ZNF532: variants seen among roughly 807,000 people sequenced by gnomAD.
The protein encoded by ZNF532 is zinc finger protein 532.
Under a neutral mutation model 89.3 loss-of-function variants are expected in ZNF532, and 22 were observed. The observed-to-expected ratio is 0.25, with a 90% CI of 0.18 to 0.35. The LOEUF (loss-of-function observed/expected upper bound fraction) is 0.35. Among genes scored for constraint, ZNF532 ranks in the 10% least tolerant of loss-of-function variants. The pLI is 1.00. For missense variants in ZNF532, 1,132 were observed against 1,643.4 expected (o/e 0.69, Z 5.38); for synonymous variants, 606 against 649.6 (o/e 0.93, Z 1.02).
In ZNF532 at chr18:58,953,673, A is replaced by G. The variant is rs1192938846; in HGVS notation, c.3024A>G (p.Pro1008=). 1 of 1,614,026 alleles carries G rather than the reference A, an allele frequency of 6.2e-7. No homozygotes were observed. The highest frequency in any genetic ancestry group is 8.5e-7 in the Non-Finnish European group (1 of 1,179,880). ...NGKEKLEKKS[P]SPVKKSMETK... is the part of the protein sequence containing the mutation. ...AAGAGAAATTGGAAAAGAAATCTCC[A>G]TCTCCTGTGAAAAAATCAATGGAAA... Residue 1008 remains proline (P), a synonymous_variant, in exon 7 of 10, where the codon CCA becomes CCG. Coordinates refer to ENST00000591808, the MANE Select transcript of ZNF532 (RefSeq NM_001375912.1).
chr18:58,944,433 C>T (rs993784755), intron 5 of ZNF532, among the ~76,000 whole-genome samples: 1 of 152,020 alleles, frequency 6.6e-6, no homozygotes, highest in Non-Finnish European at 1.5e-5. Context: ...TCCGATCTTG[C>T]ATTTAGGATT....
At position 58,978,861 on chromosome 18, in the gene ZNF532, T is replaced by C. The variant is rs143493370; in HGVS notation, c.3151-194T>C. ...TATAAAATAATTTTAATTTTGTGCA[T>C]GACACAGTTCTGACTGTGACCCGTC... is the stretch of plus-strand genomic sequence containing the variant. On this transcript the variant is annotated intron_variant, in intron 7 of 9. Coordinates refer to ENST00000591808, the MANE Select transcript of ZNF532 (RefSeq NM_001375912.1). Among the ~76,000 whole-genome samples, 21 of 152,358 alleles carry C rather than the reference T, an allele frequency of 1.4e-4. No individual in the cohort carries two copies. The East Asian group carries it at 3.3e-3, about 24-fold the overall frequency.
intron 6 of ZNF532, among the ~76,000 whole-genome samples, chr18:58,948,922 C>A (rs919042927): frequency 3.9e-5 from 6 of 152,066 alleles, no homozygotes; most frequent in African/African-American, 1.4e-4. Flanking sequence ...AGGAATTATG[C>A]TAATTCACAC....
At chr18:58,982,069 C>G (rs996126118) in intron 9 of ZNF532, among the ~76,000 whole-genome samples, 2 of 150,328 alleles carry the variant, frequency 1.3e-5, no homozygotes, top group African/African-American at 4.9e-5. Context: ...CCCCATAGAC[C>G]CATTCTGACC....
In ZNF532 at chr18:58,939,830, T is replaced by TATTTATGCTCTTGTCACGA. The variant is rs2062824646; in HGVS notation, c.2705+214_2705+232dup. On this transcript the variant is annotated intron_variant, in intron 5 of 9. Transcript: ENST00000591808. ...GACCTTGTCCAAAAACGTTACCTAT[T>TATTTATGCTCTTGTCACGA]ATTTATGCTCTTGTCACGAATTTTT... 8 of 412,296 alleles carry TATTTATGCTCTTGTCACGA rather than the reference T, an allele frequency of 1.9e-5. No homozygotes were observed. In the South Asian group the frequency reaches 6.0e-4, roughly 31 times the overall value. The allele number at this position is 412,296 out of a possible 1,614,324, so 25.5% of individuals were successfully genotyped here. A position where few individuals can be genotyped will look rare whatever the true frequency, so the allele number is the denominator to read the frequency against.
chr18:58,934,387 A>T (rs1446399633), intron 3 of ZNF532, 46 bp from the exon 4 acceptor site: 3 of 1,553,248 alleles, frequency 1.9e-6, no homozygotes, highest in East Asian at 4.5e-5. Flanking sequence ...GCATATTAGA[A>T]AGTACTTAGT....
intron 2 of ZNF532, among the ~76,000 whole-genome samples, chr18:58,913,072 G>A (rs2060379370): frequency 6.6e-6 from 1 of 152,226 alleles, no homozygotes; most frequent in Non-Finnish European, 1.5e-5. Context: ...CTGATATGCA[G>A]TCGAGATTGA....
At chr18:58,871,098 G>C (rs977677294) in intron 2 of ZNF532, among the ~76,000 whole-genome samples, 1 of 152,168 alleles carries the variant, frequency 6.6e-6, no homozygotes, top group Non-Finnish European at 1.5e-5. Context: ...GAAGCGGCAG[G>C]GGTGGCTGAA....
Position 58,920,134 on chromosome 18 carries a change from A to T in ZNF532, c.1847A>T (p.Tyr616Phe). Reference sequence around the variant, plus strand: ...GGGATCACGTTACCGACGCGTGGGTACAAGTGCTTGGAGTGTGGGGACTCC... The same window carrying T: ...GGGATCACGTTACCGACGCGTGGGTTCAAGTGCTTGGAGTGTGGGGACTCC... Reference protein sequence around the residue: ...NAGITLPTRGYKCLECGDSFA... With the variant: ...NAGITLPTRGFKCLECGDSFA... The change falls in exon 3 of 10, where the codon TAC (tyrosine) becomes TTC (phenylalanine). Residue 616 changes from tyrosine (Y) to phenylalanine (F), a missense_variant. Transcript: ENST00000591808. 6.2e-7 allele frequency: 1 copy of T among 1,613,984 alleles called. No individual in the cohort carries two copies. Among genetic ancestry groups the T allele is most frequent in the East Asian group, 2.2e-5 (1 of 44,882 alleles).
chr18:58,984,549 G>A lies in ZNF532; in HGVS notation c.*83G>A. 6.7e-7 allele frequency: 1 copy of A among 1,490,400 alleles called. No homozygotes were observed. The highest frequency in any genetic ancestry group is 1.4e-5 in the South Asian group (1 of 72,446). The allele number at this position is 1,490,400 out of a possible 1,614,324, so 92.3% of individuals were successfully genotyped here. ...GTTACAAAGTTTGCAGTATAATAGAGTTAACAGTACTGTCTAGGCTGTTGC... is the reference window on the plus strand; with the variant it reads ...GTTACAAAGTTTGCAGTATAATAGAATTAACAGTACTGTCTAGGCTGTTGC... On this transcript the variant is annotated 3_prime_UTR_variant, in exon 10 of 10. Coordinates refer to ENST00000591808, the MANE Select transcript of ZNF532 (RefSeq NM_001375912.1).
At chr18:58,943,904 A>G (rs982070293) in intron 5 of ZNF532, among the ~76,000 whole-genome samples, 6 of 152,250 alleles carry the variant, frequency 3.9e-5, no homozygotes, top group African/African-American at 1.2e-4. Context: ...CAAAATAAGA[A>G]TTGTATAAGA....
rs1328076848 is a variant in ZNF532 at position 58,919,081 on chromosome 18, C to A, written c.794C>A (p.Ser265Tyr). 1 of 1,614,190 alleles carries A rather than the reference C, an allele frequency of 6.2e-7. No individual in the cohort carries two copies. Among genetic ancestry groups the A allele is most frequent in the Admixed American group, 1.7e-5 (1 of 60,032 alleles). The change falls in exon 3 of 10, where the codon TCC becomes TAC. Residue 265 changes from serine to tyrosine, a missense_variant. This residue lies in a region of ZNF532 where 302 missense variants were observed against 319.8 expected (regional missense o/e 0.94). Coordinates refer to ENST00000591808, the MANE Select transcript of ZNF532 (RefSeq NM_001375912.1). The surrounding 1 kb of genome is among the most constrained non-coding windows in gnomAD (Gnocchi z 6.1). ...GCGCCATCAAAGACAAAGTCGTCCT[C>A]CAAGCTCTCGTCCTGCATCGCTGCC... Reference protein sequence around the residue: ...SVAPSKTKSSSKLSSCIAAIA... With the variant: ...SVAPSKTKSSYKLSSCIAAIA...
chr18:58,964,437 C>T (rs2065694009), intron 7 of ZNF532, among the ~76,000 whole-genome samples: 1 of 152,016 alleles, frequency 6.6e-6, no homozygotes, highest in South Asian at 2.1e-4. Context: ...TTAAAAGGCA[C>T]ATTAAGAGTT....
intron 2 of ZNF532, among the ~76,000 whole-genome samples, chr18:58,866,813 A>G (rs532531260): frequency 6.6e-6 from 1 of 152,368 alleles, no homozygotes; most frequent in African/African-American, 2.4e-5. Context: ...GCAAAAGGGA[A>G]ACAAGAGTGC....
intron 2 of ZNF532, among the ~76,000 whole-genome samples, chr18:58,880,765 C>CGTGTGTGT (rs1367707974): frequency 1.2e-4 from 16 of 131,198 alleles, no homozygotes; most frequent in African/African-American, 3.7e-4. Context: ...CGCGCGCACG[C>CGTGTGTGT]GCGCGCGTCT....
chr18:58,983,123 A>G (rs2068017648), intron 9 of ZNF532, among the ~76,000 whole-genome samples: 1 of 152,114 alleles, frequency 6.6e-6, no homozygotes, highest in African/African-American at 2.4e-5. Context: ...AAAAAAAAGA[A>G]AGTGTGTGCA....
At chr18:58,930,205 G>A (rs1202095490) in intron 3 of ZNF532, among the ~76,000 whole-genome samples, 1 of 152,188 alleles carries the variant, frequency 6.6e-6, no homozygotes, top group Non-Finnish European at 1.5e-5. Context: ...CTCATCTATA[G>A]AAAGAGGATG....
rs781386831 is a variant in ZNF532 at position 58,919,547 on chromosome 18, C to G, written c.1260C>G (p.Pro420=). ...CAGCCGCCGTCCTTTCCTCTCCCCCCAGGGCGCCTCTCCAGTCTGCGGTCG... is the reference window on the plus strand; with the variant it reads ...CAGCCGCCGTCCTTTCCTCTCCCCCGAGGGCGCCTCTCCAGTCTGCGGTCG... ...PASAAVLSSP[P]RAPLQSAVVT... is the part of the protein sequence containing the mutation. The change falls in exon 3 of 10, where the codon CCC becomes CCG. Residue 420 remains proline (P), a synonymous_variant. Coordinates refer to ENST00000591808, the MANE Select transcript of ZNF532 (RefSeq NM_001375912.1). This position sits in a 1 kb window ranked among gnomAD's most constrained non-coding sequence, Gnocchi z 6.1. 8 of 1,614,240 alleles carry G rather than the reference C, an allele frequency of 5.0e-6. No individual in the cohort carries two copies. In the East Asian group the frequency reaches 8.9e-5, roughly 18 times the overall value.
chr18:58,876,295 C>T (rs1368540837), intron 2 of ZNF532, among the ~76,000 whole-genome samples: 2 of 152,176 alleles, frequency 1.3e-5, no homozygotes. Flanking sequence ...GGGCCCAAGA[C>T]TGCATTTCTA....
Sources: gnomAD v4.1 joint callset for allele counts (sites outside exome capture counted in the v4.1 genomes callset) on GRCh38, gnomAD v4.1.1 for gene constraint, gnomAD v4.1.1 regional missense constraint, Gnocchi (gnomAD v3.1) non-coding constraint, MANE v1.5 for transcripts, NCBI Gene and HGNC (gene_info 2026-07-23, HGNC 2026-07-21) for gene names.